Variants in HELZ observed in about 807,000 individuals in gnomAD.
HELZ encodes helicase with zinc finger, also known as ATP-dependent RNA helicase with zinc finger domain.
Under a neutral mutation model 218.2 loss-of-function variants are expected in HELZ, and 23 were observed. That is an observed-to-expected ratio of 0.11 (90% CI 0.08 to 0.15). The LOEUF is 0.15. HELZ is among the 10% of genes least tolerant of loss of function. The pLI is 1.00. For synonymous variants in HELZ, 814 were observed against 829.4 expected, an observed-to-expected ratio of 0.98 and a Z score of 0.32; for missense variants, 1,813 against 2,353.7, an observed-to-expected ratio of 0.77 and a Z score of 4.75.
rs1176048350 is a variant in HELZ at position 67,128,715 on chromosome 17, A to G, written c.3323T>C (p.Ile1108Thr). 1.9e-6 allele frequency: 3 copies of G among 1,613,918 alleles called. No homozygotes were observed. Among genetic ancestry groups the G allele is most frequent in the African/African-American group, 2.7e-5 (2 of 74,866 alleles). ...ATGCTGCAGTCTTAGAGCCCGGGGG[A>G]TAAATTCAGGTGCCAGCGGATTCAA... Reference protein sequence around the residue: ...YVLNPLAPEFIPRALRLQHSG... With the variant: ...YVLNPLAPEFTPRALRLQHSG... Residue 1108 changes from isoleucine to threonine, a missense_variant, in exon 24 of 33, where the codon ATC (isoleucine) becomes ACC (threonine). Physicochemically the swap from Ile to Thr is moderately conservative, Grantham distance 89. Around this residue, in one of 4 missense-constraint regions of HELZ, gnomAD observed 156 missense variants for 274.4 expected, o/e 0.57. Transcript: ENST00000358691.
intron 15 of HELZ, 145 bp downstream of exon 15, chr17:67,166,333 G>A (rs557078104): frequency 1.8e-6 from 1 of 543,800 alleles, no homozygotes; most frequent in African/African-American, 1.9e-5. Flanking sequence ...TTCATTTTAA[G>A]TGTTCTTTTA....
At chr17:67,134,077 T>C (rs140428455) in intron 23 of HELZ, among the ~76,000 whole-genome samples, 67 of 152,304 alleles carry the variant, frequency 4.4e-4, no homozygotes, top group African/African-American at 1.5e-3. Flanking sequence ...TCTATTCATT[T>C]GTAACTCAGA....
intron 15 of HELZ, among the ~76,000 whole-genome samples, chr17:67,163,119 G>A (rs147778824): frequency 1.3e-5 from 2 of 152,302 alleles, no homozygotes; most frequent in East Asian, 3.9e-4. Flanking sequence ...GATCAAGTGA[G>A]ATAATACATG....
At position 67,188,708 on chromosome 17, in the gene HELZ, C is replaced by T. The variant is rs1399575809; in HGVS notation, c.865-92G>A. On this transcript the variant is annotated intron_variant, in intron 11 of 32. Coordinates refer to ENST00000358691, the MANE Select transcript of HELZ (RefSeq NM_014877.4). The surrounding 1 kb of genome is among the most constrained non-coding windows in gnomAD (Gnocchi z 4.1). ...TCAATGAAAATATTTCCATAAGGGACTTTTACTTCCCCAAGCTTCTAAGAT... is the reference window on the plus strand; with the variant it reads ...TCAATGAAAATATTTCCATAAGGGATTTTTACTTCCCCAAGCTTCTAAGAT... 5 of 988,742 alleles carry T rather than the reference C, an allele frequency of 5.1e-6. No homozygotes were observed. The African/African-American group carries it at 8.2e-5, about 16-fold the overall frequency. 61.2% of individuals were successfully genotyped at this position (988,742 alleles called of 1,614,324 possible). A position where few individuals can be genotyped will look rare whatever the true frequency, so the allele number is the denominator to read the frequency against.
At chr17:67,119,376 C>T (rs1186622629) in intron 27 of HELZ, among the ~76,000 whole-genome samples, 2 of 152,100 alleles carry the variant, frequency 1.3e-5, no homozygotes, top group Non-Finnish European at 2.9e-5. Flanking sequence ...GCTAAGTGAA[C>T]AAAGCTGGAC....
chr17:67,227,415 T>C (rs967490335), intron 3 of HELZ, among the ~76,000 whole-genome samples: 1 of 152,130 alleles, frequency 6.6e-6, no homozygotes, highest in Non-Finnish European at 1.5e-5. Flanking sequence ...TCTTGATCTC[T>C]TGACCTCATG....
At chr17:67,240,711 G>A (rs184817814) in intron 2 of HELZ, among the ~76,000 whole-genome samples, 10 of 152,294 alleles carry the variant, frequency 6.6e-5, no homozygotes, top group Admixed American at 3.3e-4. Context: ...AGAACCTGAC[G>A]ATGAATCAAG....
At chr17:67,181,709 T>TG (rs2144243886) in intron 12 of HELZ, among the ~76,000 whole-genome samples, 1 of 152,006 alleles carries the variant, frequency 6.6e-6, no homozygotes, top group South Asian at 2.1e-4. Flanking sequence ...AAAAGAATCT[T>TG]GAAAAAAAAA....
At chr17:67,204,090 T>C (rs1198737501) in intron 5 of HELZ, among the ~76,000 whole-genome samples, 1 of 152,224 alleles carries the variant, frequency 6.6e-6, no homozygotes, top group African/African-American at 2.4e-5. Context: ...AGTAGAGCAA[T>C]CTATATCCTC....
At chr17:67,118,725 T>C (rs1300840960) in intron 27 of HELZ, among the ~76,000 whole-genome samples, 1 of 116,900 alleles carries the variant, frequency 8.6e-6, no homozygotes, top group Non-Finnish European at 1.7e-5. Context: ...AGGCAAGCCA[T>C]ATCCTGGGAG....
intron 12 of HELZ, among the ~76,000 whole-genome samples, chr17:67,182,760 T>C (rs1054111175): frequency 2.1e-4 from 32 of 152,342 alleles, no homozygotes; most frequent in African/African-American, 7.5e-4. Flanking sequence ...TAACACAAGA[T>C]ACATTTCCCA....
chr17:67,171,003 A>G (rs1235550458), intron 13 of HELZ, among the ~76,000 whole-genome samples: 2 of 151,928 alleles, frequency 1.3e-5, no homozygotes, highest in East Asian at 1.9e-4. Flanking sequence ...AAAGAATCAT[A>G]GCAAAAAGAA....
intron 5 of HELZ, among the ~76,000 whole-genome samples, chr17:67,203,850 C>T (rs2040231479): frequency 6.6e-6 from 1 of 152,178 alleles, no homozygotes; most frequent in African/African-American, 2.4e-5. Flanking sequence ...ACAAATCTCA[C>T]CTAGATATTC....
At chr17:67,194,767 G>A (rs905312653) in intron 8 of HELZ, among the ~76,000 whole-genome samples, 9 of 152,138 alleles carry the variant, frequency 5.9e-5, no homozygotes, top group African/African-American at 2.2e-4. Context: ...TCCCTCACAA[G>A]TCACTATGCC....
intron 2 of HELZ, among the ~76,000 whole-genome samples, chr17:67,242,540 A>C (rs201238166): frequency 6.9e-3 from 4 of 580 alleles, no homozygotes; most frequent in Admixed American, 0.023. Flanking sequence ...ATATATGTAT[A>C]TATACACACA....
intron 21 of HELZ, 88 bp downstream of exon 21, chr17:67,145,655 G>C (rs2038471089): frequency 9.6e-7 from 1 of 1,045,546 alleles, no homozygotes; most frequent in Admixed American, 2.2e-5. Flanking sequence ...GCAATACAAT[G>C]TCAACCCAAA....
At chr17:67,241,739 C>G (rs1455853329) in intron 2 of HELZ, among the ~76,000 whole-genome samples, 5 of 152,204 alleles carry the variant, frequency 3.3e-5, no homozygotes, top group African/African-American at 1.2e-4. Flanking sequence ...CTCCCAAAAA[C>G]TACAGCCTTA....
chr17:67,194,862 C>T (rs1358986252), intron 8 of HELZ, among the ~76,000 whole-genome samples: 1 of 152,128 alleles, frequency 6.6e-6, no homozygotes, highest in Non-Finnish European at 1.5e-5. Flanking sequence ...GACTTTAGGG[C>T]AACTCATAAA....
chr17:67,233,321 C>G (rs1340394041), intron 3 of HELZ, among the ~76,000 whole-genome samples: 3 of 152,000 alleles, frequency 2.0e-5, no homozygotes, highest in Non-Finnish European at 4.4e-5. Flanking sequence ...CCACTGCACT[C>G]CAGGCTGGGT....
Sources: gnomAD v4.1 joint callset for allele counts (sites outside exome capture counted in the v4.1 genomes callset) on GRCh38, gnomAD v4.1.1 for gene constraint, gnomAD v4.1.1 regional missense constraint, Gnocchi (gnomAD v3.1) non-coding constraint, MANE v1.5 for transcripts, NCBI Gene and HGNC (gene_info 2026-07-23, HGNC 2026-07-21) for gene names.